BANP: variants seen among roughly 807,000 people sequenced by gnomAD.
The protein encoded by BANP is BTG3 associated nuclear protein, also known as protein BANP.
BANP carries 11 observed loss-of-function variants against 68.1 expected under a neutral mutation model. The observed-to-expected ratio is 0.16, with a 90% confidence interval of 0.10 to 0.27. The LOEUF is 0.27. BANP is among the 10% of genes least tolerant of loss of function. BANP has a pLI of 1.00. For synonymous variants in BANP, 329 were observed against 303.2 expected, an observed-to-expected ratio of 1.09 and a Z score of -0.88; for missense variants, 504 against 722.7, an observed-to-expected ratio of 0.70 and a Z score of 3.47.
intron 2 of BANP, among the ~76,000 whole-genome samples, chr16:87,975,437 T>C (rs2061842840): frequency 6.6e-6 from 1 of 152,212 alleles, no homozygotes; most frequent in Non-Finnish European, 1.5e-5. Flanking sequence ...CTCCCACTCC[T>C]TGGGGGTATG....
chr16:88,015,258 CCT>C (rs1165488002), intron 6 of BANP, among the ~76,000 whole-genome samples: 1 of 149,266 alleles, frequency 6.7e-6, no homozygotes, highest in Admixed American at 6.6e-5. Context: ...CTCCTCTGTC[CCT>C]CTGTCCATGC....
At chr16:88,022,604 C>T (rs985370198) in intron 7 of BANP, among the ~76,000 whole-genome samples, 5 of 152,222 alleles carry the variant, frequency 3.3e-5, no homozygotes, top group Non-Finnish European at 7.3e-5. Context: ...TTGCAGGGTG[C>T]CTCAGGTTCC....
upstream of BANP, among the ~76,000 whole-genome samples, chr16:87,950,017 A>G (rs1305720836): frequency 6.6e-6 from 1 of 151,806 alleles, no homozygotes; most frequent in South Asian, 2.1e-4. Context: ...AGCTGGGACT[A>G]CAGGCGCCTG....
At chr16:88,075,773 G>T (rs573125754) in intron 13 of BANP, among the ~76,000 whole-genome samples, 1 of 143,948 alleles carries the variant, frequency 6.9e-6, no homozygotes, top group East Asian at 2.0e-4. Context: ...TTGAGATGGA[G>T]TCTGGCTCTG....
At position 88,030,586 on chromosome 16, in the gene BANP, A is replaced by G. The variant is rs564511491; in HGVS notation, c.1064-2523A>G. On this transcript the variant is annotated intron_variant, in intron 8 of 13. Coordinates refer to ENST00000682872, the MANE Select transcript of BANP (RefSeq NM_001386991.1). ...ACTGCCAGATATGTTGGCCTGCGTC[A>G]TTAGGATACCAGAATCTTGAAAGAG... Among the ~76,000 whole-genome samples, 14 of 152,378 alleles carry G rather than the reference A, an allele frequency of 9.2e-5. 1 individual carries two copies. The highest frequency in any genetic ancestry group is 3.9e-4 in the Admixed American group (6 of 15,304).
rs200430799 is a variant in BANP, at chr16:88,037,961, C to T, written c.1273-12C>T. 1.4e-5 allele frequency: 23 copies of T among 1,613,516 alleles called. No individual in the cohort carries two copies. Among genetic ancestry groups the T allele is most frequent in the Admixed American group, 1.0e-4 (6 of 60,018 alleles). ...TCTACTCATGACCGTCTCCTCCTCTCGTTCTTTGTAGGGCAACCTCCAGAT... is the reference window on the plus strand; with the variant it reads ...TCTACTCATGACCGTCTCCTCCTCTTGTTCTTTGTAGGGCAACCTCCAGAT... On this transcript the variant is annotated splice_polypyrimidine_tract_variant and intron_variant, in intron 10 of 13. Transcript: ENST00000682872.
At chr16:88,022,603 G>C (rs1438732505) in intron 7 of BANP, among the ~76,000 whole-genome samples, 1 of 152,240 alleles carries the variant, frequency 6.6e-6, no homozygotes, top group African/African-American at 2.4e-5. Context: ...CTTGCAGGGT[G>C]CCTCAGGTTC....
chr16:87,978,999 C>T (rs1001356229), intron 2 of BANP, among the ~76,000 whole-genome samples: 9 of 152,286 alleles, frequency 5.9e-5, no homozygotes, highest in African/African-American at 9.6e-5. Context: ...CAAAATCGGT[C>T]GACAGTGGTC....
chr16:87,987,035 A>G (rs925900630), intron 4 of BANP, among the ~76,000 whole-genome samples: 4 of 152,242 alleles, frequency 2.6e-5, no homozygotes, highest in African/African-American at 9.6e-5. Context: ...TATTCTATTT[A>G]AAATCCTATT....
chr16:88,068,239 C>T (rs2089313336), intron 12 of BANP, among the ~76,000 whole-genome samples: 1 of 152,216 alleles, frequency 6.6e-6, no homozygotes, highest in South Asian at 2.1e-4. Context: ...CCGTGTGCTC[C>T]TCTGCTGCTC....
chr16:88,069,992 G>A (rs1234336438), intron 12 of BANP, among the ~76,000 whole-genome samples: 2 of 152,166 alleles, frequency 1.3e-5, no homozygotes, highest in African/African-American at 4.8e-5. Flanking sequence ...TGCGGACGGT[G>A]AGGACGAAGG....
At position 88,051,856 on chromosome 16, in the gene BANP, A is replaced by T. The variant is rs765500650; in HGVS notation, c.1312-13411A>T. Among the ~76,000 whole-genome samples the T allele has an allele frequency of 8.4e-4, 128 of 152,344 alleles. 1 individual carries two copies. Among genetic ancestry groups the T allele is most frequent in the Middle Eastern group, 3.4e-3 (1 of 294 alleles). ...TTCCTATATTAAAAAATCTAGATTT[A>T]AAAAATCCAGATTTATGCCATTTCT... On this transcript the variant is annotated intron_variant, in intron 11 of 13. Coordinates refer to ENST00000682872, the MANE Select transcript of BANP (RefSeq NM_001386991.1).
At chr16:87,979,132 G>C (rs1014300962) in intron 2 of BANP, among the ~76,000 whole-genome samples, 4 of 152,266 alleles carry the variant, frequency 2.6e-5, no homozygotes, top group African/African-American at 9.6e-5. Flanking sequence ...AGTTTTGAGA[G>C]GAATCATCTA....
intron 4 of BANP, among the ~76,000 whole-genome samples, chr16:87,995,958 C>T (rs755724827): frequency 2.6e-5 from 4 of 152,218 alleles, no homozygotes; most frequent in African/African-American, 7.2e-5. Context: ...ACGTGTTAGA[C>T]GCACATTTAG....
intron 3 of BANP, 32 bp from the exon 4 acceptor site, chr16:87,984,028 C>A: frequency 6.2e-7 from 1 of 1,610,088 alleles, no homozygotes; most frequent in Non-Finnish European, 8.5e-7. Flanking sequence ...TTCAGGAGAC[C>A]CTTCCTAAAG....
In BANP at chr16:88,068,092, G is replaced by A. The variant is rs149189102; in HGVS notation, c.1377+2760G>A. 1.2e-4 allele frequency among the ~76,000 whole-genome samples: 19 copies of A among 152,348 alleles called. 1 individual carries two copies. The East Asian group carries it at 2.7e-3, about 22-fold the overall frequency. ...ACGCACTTCGTTTCCATTTTCACAC[G>A]TAGTTCAGAGCTGGGTGTCCGACAG... On this transcript the variant is annotated intron_variant, in intron 12 of 13. Transcript: ENST00000682872.
chr16:88,006,153 C>T lies in BANP; in HGVS notation c.543C>T (p.His181=), dbSNP rs748972674. Residue 181 remains histidine, a synonymous_variant, in exon 6 of 14, where the codon CAC becomes CAT. Transcript: ENST00000682872. ...VVKVPGQEDS[H]HEDGESGSEA... Reference sequence around the variant, plus strand: ...AGGTGCCGGGCCAAGAAGACAGCCACCACGAGGACGGGGAGAGCGGCTCGG... The same window carrying T: ...AGGTGCCGGGCCAAGAAGACAGCCATCACGAGGACGGGGAGAGCGGCTCGG... The T allele has an allele frequency of 1.2e-6, 2 of 1,614,058 alleles. No individual in the cohort carries two copies.
At chr16:88,035,893 TTGACGCACCTGC>T (rs2079222440) in intron 10 of BANP, among the ~76,000 whole-genome samples, 1 of 152,234 alleles carries the variant, frequency 6.6e-6, no homozygotes, top group Non-Finnish European at 1.5e-5. Flanking sequence ...CTCATAGCCC[TTGACGCACCTGC>T]TGGGTCTGTG....
At chr16:87,971,360 C>G (rs750155892) in intron 1 of BANP, among the ~76,000 whole-genome samples, 8 of 152,170 alleles carry the variant, frequency 5.3e-5, no homozygotes, top group Non-Finnish European at 1.2e-4. Flanking sequence ...TTGTTTGTTG[C>G]CAGTGCCTTC....
Sources: gnomAD v4.1 joint callset for allele counts (sites outside exome capture counted in the v4.1 genomes callset) on GRCh38, gnomAD v4.1.1 for gene constraint, MANE v1.5 for transcripts, NCBI Gene and HGNC (gene_info 2026-07-23, HGNC 2026-07-21) for gene names.